The following GGTLC2 variants were observed in gnomAD, a reference collection of about 807,000 sequenced individuals.
The protein encoded by GGTLC2 is gamma-glutamyltransferase light chain 2.
GGTLC2 carries 13 observed loss-of-function variants against 20.2 expected under a neutral mutation model. The ratio of observed to expected loss-of-function variants is 0.64; its 90% CI spans 0.42 to 1.02. The LOEUF (loss-of-function observed/expected upper bound fraction) is 1.02, where lower values mean the gene tolerates loss of function less well. Ranked by LOEUF, GGTLC2 falls within the 50% of genes least tolerant of loss-of-function variation. GGTLC2 has a pLI of 0.00. For missense variants in GGTLC2, 202 were observed against 301.3 expected (o/e 0.67, Z 2.44); for synonymous variants, 89 against 125.5 (o/e 0.71, Z 1.94).
At chr22:22,647,336 G>T (rs1230692602) in intron 5 of GGTLC2, 46 bp downstream of exon 5, 2 of 1,606,466 alleles carry the variant, frequency 1.2e-6, no homozygotes, top group Non-Finnish European at 1.7e-6. Context: ...GGGGCCCCAG[G>T]GCATCCTGGG....
rs1279748938 is a variant in GGTLC2, at chr22:22,646,408, G to A, written c.63G>A (p.Pro21=). 7.2e-6 allele frequency: 11 copies of A among 1,521,050 alleles called. No homozygotes were observed. The highest frequency in any genetic ancestry group is 4.8e-5 in the East Asian group (2 of 41,784). 94.2% of individuals were successfully genotyped at this position (1,521,050 alleles called of 1,614,324 possible). Residue 21 remains proline, a synonymous_variant, in exon 2 of 6, where the codon CCG becomes CCA. Coordinates refer to ENST00000448514, the MANE Select transcript of GGTLC2 (RefSeq NM_199127.3). The stretch of plus-strand genomic sequence containing the variant: ...AGATCTCTGACGACACCACTCACCC[G>A]ATCTCCTACTACAAGCCCGAGTTCT... ...RAQISDDTTH[P]ISYYKPEFYT...
intron 5 of GGTLC2, 135 bp downstream of exon 5, chr22:22,647,425 C>A (rs878858417): frequency 1.8e-5 from 24 of 1,335,342 alleles, no homozygotes; most frequent in Admixed American, 1.4e-4. Context: ...AGCCCCTGTG[C>A]CATGAGGGCC....
Position 22,646,752 on chromosome 22 carries a change from A to G in GGTLC2, c.177-2A>G, listed in dbSNP as rs756997417. On this transcript the variant is annotated splice_acceptor_variant, in intron 2 of 5. Coordinates refer to ENST00000448514, the MANE Select transcript of GGTLC2 (RefSeq NM_199127.3). LOFTEE classifies it high-confidence loss of function. ...GTGCTGTCTGACCTGGCTGGGCGGT[A>G]GCTTTGGCTCCAAGGTCCGCTCCCC... The G allele has an allele frequency of 8.7e-6, 14 of 1,609,622 alleles. No homozygotes were observed. The highest frequency in any genetic ancestry group is 1.2e-5 in the Non-Finnish European group (14 of 1,178,076).
intron 2 of GGTLC2, 51 bp from the exon 3 acceptor site, chr22:22,646,703 C>T (rs777346624): frequency 1.3e-6 from 2 of 1,594,980 alleles, no homozygotes; most frequent in South Asian, 2.3e-5. Context: ...TGGATAGGGA[C>T]CAGGCTGGGC....
At position 22,647,058 on chromosome 22, in the gene GGTLC2, C is replaced by A; in HGVS notation, c.360+20C>A. 6.2e-7 allele frequency: 1 copy of A among 1,611,662 alleles called. No individual in the cohort carries two copies. Among genetic ancestry groups the A allele is most frequent in the Non-Finnish European group, 8.5e-7 (1 of 1,179,796 alleles). The stretch of plus-strand genomic sequence containing the variant: ...GGCCAGGTCCGGATGGTGGTGGGAG[C>A]TGCTGGGGGCACACAGATCACCACA... On this transcript the variant is annotated intron_variant, in intron 4 of 5. Coordinates refer to ENST00000448514, the MANE Select transcript of GGTLC2 (RefSeq NM_199127.3).
chr22:22,647,561 C>G, intron 5 of GGTLC2, 34 bp from the exon 6 acceptor site: 3 of 1,596,066 alleles, frequency 1.9e-6, no homozygotes, highest in South Asian at 2.2e-5. Flanking sequence ...CATCTGGAGC[C>G]CTGCTCAGGC....
At chr22:22,645,967 G>A (rs924862521) in intron 1 of GGTLC2, 4 of 358,818 alleles carry the variant, frequency 1.1e-5, no homozygotes, top group African/African-American at 2.1e-5. Flanking sequence ...TTCCCTGTGT[G>A]TGTTTGTTTT....
At chr22:22,647,408 C>T (rs1010327725) in intron 5 of GGTLC2, 118 bp downstream of exon 5, 2 of 1,545,000 alleles carry the variant, frequency 1.3e-6, no homozygotes, top group Non-Finnish European at 1.8e-6. Flanking sequence ...GTGCCTGGGC[C>T]ATCTGGAGCC....
In GGTLC2 at chr22:22,647,356, T is replaced by C; in HGVS notation, c.510+66T>C. ...CCCAGGGCATCCTGGGCTGGAGGCC[T>C]GGATCATCACAGAGTGGACAATTGT... On this transcript the variant is annotated intron_variant, in intron 5 of 5. Coordinates refer to ENST00000448514, the MANE Select transcript of GGTLC2 (RefSeq NM_199127.3). The C allele has an allele frequency of 3.1e-6, 5 of 1,605,638 alleles. No individual in the cohort carries two copies. The South Asian group carries it at 5.5e-5, about 18-fold the overall frequency.
At chr22:22,645,674 G>A (rs2064046157) in intron 1 of GGTLC2, among the ~76,000 whole-genome samples, 1 of 150,986 alleles carries the variant, frequency 6.6e-6, no homozygotes. Context: ...TCTGCCCTAA[G>A]CCTGCATGGC....
At chr22:22,644,889 T>G (rs1374916504) in intron 1 of GGTLC2, among the ~76,000 whole-genome samples, 181 bp downstream of exon 1, 2 of 72,192 alleles carry the variant, frequency 2.8e-5, no homozygotes, top group African/African-American at 1.4e-4. Flanking sequence ...TCTCTTTTTT[T>G]TTTTTTTTTT....
intron 4 of GGTLC2, 40 bp from the exon 5 acceptor site, chr22:22,647,101 T>C (rs1449591336): frequency 1.2e-6 from 2 of 1,611,714 alleles, no homozygotes; most frequent in Non-Finnish European, 1.7e-6. Flanking sequence ...CACTGATATG[T>C]GTCACCCCTT....
Position 22,646,983 on chromosome 22 carries a change from G to A in GGTLC2, c.305G>A (p.Gly102Glu). The change falls in exon 4 of 6, where the codon GGG (glycine) becomes GAG (glutamate). Residue 102 changes from glycine (G) to glutamate (E), a missense_variant and splice_region_variant. Gly to Glu is a moderately conservative substitution (Grantham distance 98, BLOSUM62 -2). Coordinates refer to ENST00000448514, the MANE Select transcript of GGTLC2 (RefSeq NM_199127.3). Reference sequence around the variant, plus strand: ...CCCTGTCTTCTCCCATCGGCCACAGGGAAGCAGCCGCTCTCGTCAATGTGC... The same window carrying A: ...CCCTGTCTTCTCCCATCGGCCACAGAGAAGCAGCCGCTCTCGTCAATGTGC... The part of the protein sequence containing the change: ...PPSPANFIQP[G>E]KQPLSSMCPT... 2 of 1,611,662 alleles carry A rather than the reference G, an allele frequency of 1.2e-6. No homozygotes were observed. The highest frequency in any genetic ancestry group is 8.5e-7 in the Non-Finnish European group (1 of 1,179,804).
Position 22,647,848 on chromosome 22 carries a change from A to G in GGTLC2, c.*107A>G. The G allele has an allele frequency of 6.4e-7, 1 of 1,552,224 alleles. No homozygotes were observed. The highest frequency in any genetic ancestry group is 8.7e-7 in the Non-Finnish European group (1 of 1,144,812). On this transcript the variant is annotated 3_prime_UTR_variant, in exon 6 of 6. Transcript: ENST00000448514. ...CTTCCCCTGTGAGCAGCAGAGCAGC[A>G]CAATAAATGAGGCCACTGTGCCAGG... is the stretch of plus-strand genomic sequence containing the variant.
In GGTLC2 at chr22:22,646,341, A is replaced by C. The variant is rs4820514; in HGVS notation, c.-5A>C. ...GCTCTGGGGTCTCGGCAGGTGGTCC[A>C]CAACATGACCTCTGAGTTCTTCGCT... is the stretch of plus-strand genomic sequence containing the variant. On this transcript the variant is annotated 5_prime_UTR_variant, in exon 2 of 6. Coordinates refer to ENST00000448514, the MANE Select transcript of GGTLC2 (RefSeq NM_199127.3). 5 of 1,257,432 alleles carry C rather than the reference A, an allele frequency of 4.0e-6. No individual in the cohort carries two copies. The East Asian group carries it at 1.3e-4, about 33-fold the overall frequency. The allele number at this position is 1,257,432 out of a possible 1,614,324, so 77.9% of individuals were successfully genotyped here. A position where few individuals can be genotyped will look rare whatever the true frequency, so the allele number is the denominator to read the frequency against.
chr22:22,645,193 C>CCTCGGCCTCCCAAA (rs2064016473), intron 1 of GGTLC2, among the ~76,000 whole-genome samples: 2 of 151,440 alleles, frequency 1.3e-5, no homozygotes, highest in Admixed American at 6.6e-5. Context: ...GGATTACAGG[C>CCTCGGCCTCCCAAA]GTGAGCCACC....
chr22:22,647,033 G>A lies in GGTLC2; in HGVS notation c.355G>A (p.Gly119Ser), dbSNP rs375988771. 34 of 1,611,500 alleles carry A rather than the reference G, an allele frequency of 2.1e-5. No homozygotes were observed. Among genetic ancestry groups the A allele is most frequent in the Middle Eastern group, 2.2e-4 (1 of 4,448 alleles). The change falls in exon 4 of 6, where the codon GGC (glycine) becomes AGC (serine). Residue 119 changes from glycine to serine, a missense_variant. Gly to Ser is a moderately conservative substitution (Grantham distance 56). Around this residue, in one of 4 missense-constraint regions of GGTLC2, gnomAD observed 65 missense variants for 87.5 expected, o/e 0.74. Transcript: ENST00000448514. ...CCCGACGATCATGGTGGGCCAGGAC[G>A]GCCAGGTCCGGATGGTGGTGGGAGC... is the stretch of plus-strand genomic sequence containing the variant. ...MCPTIMVGQDGQPPSHADHTP... is the reference protein window; with the variant it reads ...MCPTIMVGQDSQPPSHADHTP...
At chr22:22,645,916 T>C (rs1176736752) in intron 1 of GGTLC2, among the ~76,000 whole-genome samples, 3 of 151,366 alleles carry the variant, frequency 2.0e-5, no homozygotes, top group African/African-American at 4.9e-5. Flanking sequence ...CCATACCTCA[T>C]GCCTCTTGAT....
rs1279748938 is a variant in GGTLC2 at position 22,646,408 on chromosome 22, G to C, written c.63G>C (p.Pro21=). The C allele has an allele frequency of 9.2e-6, 14 of 1,520,942 alleles. No homozygotes were observed. The highest frequency in any genetic ancestry group is 1.2e-5 in the Non-Finnish European group (13 of 1,130,052). 94.2% of individuals were successfully genotyped at this position (1,520,942 alleles called of 1,614,324 possible). Residue 21 remains proline, a synonymous_variant, in exon 2 of 6, where the codon CCG becomes CCC. Transcript: ENST00000448514. The part of the protein sequence containing the change: ...RAQISDDTTH[P]ISYYKPEFYT... ...AGATCTCTGACGACACCACTCACCC[G>C]ATCTCCTACTACAAGCCCGAGTTCT...
Sources: gnomAD v4.1 joint callset for allele counts (sites outside exome capture counted in the v4.1 genomes callset) on GRCh38, gnomAD v4.1.1 for gene constraint, gnomAD v4.1.1 regional missense constraint, MANE v1.5 for transcripts, NCBI Gene and HGNC (gene_info 2026-07-23, HGNC 2026-07-21) for gene names.